The following EBLN1 variants were observed in gnomAD, a reference collection of about 807,000 sequenced individuals.
EBLN1 encodes endogenous Bornavirus like nucleoprotein 1.
Under a neutral mutation model 0.8 loss-of-function variants are expected in EBLN1, and 1 was observed. The observed-to-expected ratio is 1.32, with a 90% CI of 0.47 to 6.26. EBLN1 has a LOEUF of 6.26. Ranked by LOEUF, EBLN1 falls within the 30% of genes most tolerant of loss-of-function variation. EBLN1 has a pLI of 0.15. For missense variants in EBLN1, 396 were observed against 447.9 expected (o/e 0.88, Z 1.05); for synonymous variants, 158 against 158.5 (o/e 1.00, Z 0.02).
chr10:22,213,246 A>C (rs1834768254), intron 1 of EBLN1, among the ~76,000 whole-genome samples: 1 of 152,348 alleles, frequency 6.6e-6, no homozygotes, highest in East Asian at 1.9e-4. Flanking sequence ...ATTACAGAAG[A>C]TGATATAAAG....
chr10:22,214,380 G>A (rs1172552098), intron 1 of EBLN1, among the ~76,000 whole-genome samples: 1 of 150,004 alleles, frequency 6.7e-6, no homozygotes, highest in Non-Finnish European at 1.5e-5. Flanking sequence ...GTTCACCGCT[G>A]CTGCAACCTC....
At chr10:22,216,564 A>G (rs1445836767) in intron 1 of EBLN1, among the ~76,000 whole-genome samples, 1 of 152,228 alleles carries the variant, frequency 6.6e-6, no homozygotes, top group Non-Finnish European at 1.5e-5. Flanking sequence ...CATTCTATGT[A>G]CAATAGGTAA....
intron 1 of EBLN1, among the ~76,000 whole-genome samples, chr10:22,215,060 A>C (rs1301627820): frequency 6.6e-6 from 1 of 152,228 alleles, no homozygotes; most frequent in Non-Finnish European, 1.5e-5. Flanking sequence ...GTGCGATTCC[A>C]TTTACATAAA....
chr10:22,210,535 G>T (rs913078804), intron 2 of EBLN1, among the ~76,000 whole-genome samples: 5 of 152,154 alleles, frequency 3.3e-5, no homozygotes. Flanking sequence ...TAAATAAGGA[G>T]CCTTTTTGTG....
At position 22,210,029 on chromosome 10, in the gene EBLN1, T is replaced by TA; in HGVS notation, c.-44-3dup. On this transcript the variant is annotated splice_region_variant and splice_polypyrimidine_tract_variant and intron_variant, in intron 2 of 2. Transcript: ENST00000422359. ...ATTTTCACACAATTTTGTACTGTAC[T>TA]AAAAAAATATAGAGAATGGCAATAC... 7.6e-7 allele frequency: 1 copy of TA among 1,310,982 alleles called. No individual in the cohort carries two copies. Among genetic ancestry groups the TA allele is most frequent in the Non-Finnish European group, 9.7e-7 (1 of 1,032,854 alleles). The allele number at this position is 1,310,982 out of a possible 1,614,324, so 81.2% of individuals were successfully genotyped here. A position where few individuals can be genotyped will look rare whatever the true frequency, so the allele number is the denominator to read the frequency against.
chr10:22,214,247 G>A (rs1834774747), intron 1 of EBLN1, among the ~76,000 whole-genome samples: 1 of 151,032 alleles, frequency 6.6e-6, no homozygotes, highest in African/African-American at 2.4e-5. Context: ...ACATTAATGT[G>A]ATTCAAACTC....
intron 2 of EBLN1, among the ~76,000 whole-genome samples, chr10:22,210,458 T>G (rs1173953544): frequency 2.0e-5 from 3 of 152,234 alleles, no homozygotes; most frequent in Admixed American, 6.5e-5. Flanking sequence ...AAGAGTTAGT[T>G]GTCTGACAAT....
intron 1 of EBLN1, among the ~76,000 whole-genome samples, chr10:22,213,393 T>C (rs2065763839): frequency 6.6e-6 from 1 of 152,124 alleles, no homozygotes; most frequent in Admixed American, 6.5e-5. Context: ...AGATAATATA[T>C]TACAAATATA....
intron 1 of EBLN1, among the ~76,000 whole-genome samples, chr10:22,216,906 G>A (rs1420818209): frequency 6.6e-6 from 1 of 151,990 alleles, no homozygotes; most frequent in Non-Finnish European, 1.5e-5. Context: ...TTTTCCTTAA[G>A]ACTATTTTAT....
intron 1 of EBLN1, among the ~76,000 whole-genome samples, chr10:22,214,472 G>A (rs1405032728): frequency 2.0e-5 from 3 of 149,830 alleles, no homozygotes; most frequent in African/African-American, 7.5e-5. Flanking sequence ...GCCAAGGAAT[G>A]GTTTTTTAAA....
chr10:22,214,456 T>C (rs1834776405), intron 1 of EBLN1, among the ~76,000 whole-genome samples: 1 of 152,012 alleles, frequency 6.6e-6, no homozygotes, highest in Non-Finnish European at 1.5e-5. Flanking sequence ...TGCATCACCT[T>C]GCCCAGCCAA....
At chr10:22,216,161 C>T (rs1834790859) in intron 1 of EBLN1, among the ~76,000 whole-genome samples, 1 of 151,506 alleles carries the variant, frequency 6.6e-6, no homozygotes, top group African/African-American at 2.4e-5. Context: ...ATTTTATCTG[C>T]AGGTGACTGT....
intron 1 of EBLN1, among the ~76,000 whole-genome samples, chr10:22,216,261 C>T (rs1258587943): frequency 1.3e-5 from 2 of 151,626 alleles, no homozygotes; most frequent in African/African-American, 2.4e-5. Flanking sequence ...AAACACATTG[C>T]AAAACAAAAA....
Position 22,209,621 on chromosome 10 carries a change from A to C in EBLN1, c.363T>G (p.Phe121Leu), listed in dbSNP as rs763901119. Residue 121 changes from phenylalanine (F) to leucine (L), a missense_variant, in exon 3 of 3, where the codon TTT (phenylalanine) becomes TTG (leucine). Coordinates refer to ENST00000422359, the MANE Select transcript of EBLN1 (RefSeq NM_001394757.1). ...CAGTGAAGGTAGGCAAAACATCTTC[A>C]AATTTGCTAGCATAGAGAGTACCTG... Reference protein sequence around the residue: ...KETGTLYASKFEDVLPTFTAL... With the variant: ...KETGTLYASKLEDVLPTFTAL... 6.5e-7 allele frequency: 1 copy of C among 1,535,906 alleles called. No homozygotes were observed. The highest frequency in any genetic ancestry group is 1.4e-5 in the African/African-American group (1 of 73,028).
rs1376255875 is a variant in EBLN1 at position 22,208,761 on chromosome 10, C to T, written c.*122G>A. 1.7e-5 allele frequency: 18 copies of T among 1,029,020 alleles called. No homozygotes were observed. The highest frequency in any genetic ancestry group is 1.5e-4 in the South Asian group (7 of 47,372). 63.7% of individuals were successfully genotyped at this position (1,029,020 alleles called of 1,614,324 possible). On this transcript the variant is annotated 3_prime_UTR_variant, in exon 3 of 3. Transcript: ENST00000422359. ...AGAATAAAAGATTATAGAGAAGTTGCGATAGATGTCAGAGACAGACCAAGA... is the reference window on the plus strand; with the variant it reads ...AGAATAAAAGATTATAGAGAAGTTGTGATAGATGTCAGAGACAGACCAAGA...
chr10:22,212,043 A>C (rs187030465), intron 2 of EBLN1, among the ~76,000 whole-genome samples: 1 of 152,334 alleles, frequency 6.6e-6, no homozygotes, highest in African/African-American at 2.4e-5. Context: ...CTAAAACCAA[A>C]GGTCTTAACT....
At chr10:22,210,592 C>T (rs917247346) in intron 2 of EBLN1, among the ~76,000 whole-genome samples, 4 of 152,204 alleles carry the variant, frequency 2.6e-5, no homozygotes. Flanking sequence ...AGAAGGGCTG[C>T]TGACTTAGAT....
intron 1 of EBLN1, among the ~76,000 whole-genome samples, chr10:22,213,540 C>A (rs898688962): frequency 1.3e-5 from 2 of 152,056 alleles, no homozygotes; most frequent in Non-Finnish European, 2.9e-5. Context: ...GTTTTGTATT[C>A]ATTTTCTTGA....
rs758244103 is a variant in EBLN1, at chr10:22,209,514, T to C, written c.470A>G (p.Asn157Ser). Residue 157 changes from asparagine to serine, a missense_variant, in exon 3 of 3, where the codon AAC becomes AGC. Asn to Ser is a conservative substitution (Grantham distance 46). Transcript: ENST00000422359. Reference sequence around the variant, plus strand: ...GAATTGTCTCTGTACTTGGAGGCTGTTGGTGCATATCGGGTCACTCGATCC... The same window carrying C: ...GAATTGTCTCTGTACTTGGAGGCTGCTGGTGCATATCGGGTCACTCGATCC... ...AAGSSDPICTNSLQVQRQFKA... is the reference protein window; with the variant it reads ...AAGSSDPICTSSLQVQRQFKA... The C allele has an allele frequency of 8.8e-6, 14 of 1,585,886 alleles. No individual in the cohort carries two copies. The highest frequency in any genetic ancestry group is 1.2e-5 in the Non-Finnish European group (14 of 1,173,620).
Sources: allele counts gnomAD v4.1 joint callset (sites outside exome capture counted in the v4.1 genomes callset), GRCh38; gene constraint gnomAD v4.1.1; transcripts MANE v1.5; gene names NCBI Gene and HGNC (gene_info 2026-07-23, HGNC 2026-07-21).